The following LSM14A variants were observed in gnomAD, a reference collection of about 807,000 sequenced individuals.
LSM14A encodes the protein LSM14A mRNA processing body assembly factor.
Under a neutral mutation model 52.4 loss-of-function variants are expected in LSM14A, and 14 were observed. That is an observed-to-expected ratio of 0.27 (90% CI 0.18 to 0.42). The LOEUF (loss-of-function observed/expected upper bound fraction) is 0.42, where lower values mean the gene tolerates loss of function less well. Ranked by LOEUF, LSM14A falls within the 10% of genes least tolerant of loss-of-function variation. The probability of loss-of-function intolerance (pLI) is 1.00; values close to 1 mark genes in which losing one functional copy is unlikely to be tolerated. For synonymous variants in LSM14A, 185 were observed against 200.3 expected (o/e 0.92, Z 0.64); for missense variants, 417 against 581.8 (o/e 0.72, Z 2.91).
intron 3 of LSM14A, among the ~76,000 whole-genome samples, chr19:34,204,097 G>A (rs879433310): frequency 5.3e-5 from 8 of 152,094 alleles, no homozygotes; most frequent in Admixed American, 2.0e-4. Context: ...GGCGTTCTTC[G>A]TAAAGATAAG....
chr19:34,191,041 T>C (rs1345088539), intron 1 of LSM14A, among the ~76,000 whole-genome samples: 1 of 152,180 alleles, frequency 6.6e-6, no homozygotes, highest in African/African-American at 2.4e-5. Flanking sequence ...TCTTCATAAC[T>C]ATCATCTTCT....
intron 1 of LSM14A, among the ~76,000 whole-genome samples, chr19:34,175,527 C>T (rs568930016): frequency 6.6e-6 from 1 of 152,152 alleles, no homozygotes; most frequent in Non-Finnish European, 1.5e-5. Context: ...CCACCGCACC[C>T]GGCTGCTTTT....
intron 3 of LSM14A, among the ~76,000 whole-genome samples, chr19:34,206,588 T>A (rs1184569739): frequency 6.6e-6 from 1 of 151,666 alleles, no homozygotes; most frequent in Non-Finnish European, 1.5e-5. Flanking sequence ...GGCAGGAGAA[T>A]CGCTTGAGCC....
intron 1 of LSM14A, among the ~76,000 whole-genome samples, chr19:34,173,698 T>A (rs1444343915): frequency 6.6e-6 from 1 of 152,146 alleles, no homozygotes; most frequent in Admixed American, 6.5e-5. Context: ...TTAAAGGAAA[T>A]CTCACAACAG....
chr19:34,198,604 A>T (rs774848629), intron 3 of LSM14A, among the ~76,000 whole-genome samples: 1 of 152,248 alleles, frequency 6.6e-6, no homozygotes, highest in Non-Finnish European at 1.5e-5. Flanking sequence ...CCACAACAGC[A>T]AAACTCCGTC....
At chr19:34,220,028 A>C in intron 8 of LSM14A, 151 bp downstream of exon 8, 2 of 642,840 alleles carry the variant, frequency 3.1e-6, no homozygotes, top group Non-Finnish European at 5.3e-6. Context: ...GGAGAGCAGC[A>C]GTGCAGTCAC....
In LSM14A at chr19:34,221,209, A is replaced by G. The variant is rs1183862319; in HGVS notation, c.1137-298A>G. The G allele has an allele frequency of 1.2e-5, 4 of 333,356 alleles. No individual in the cohort carries two copies. The Admixed American group carries it at 1.3e-4, about 11-fold the overall frequency. The allele number at this position is 333,356 out of a possible 1,614,324, so 20.6% of individuals were successfully genotyped here. A position where few individuals can be genotyped will look rare whatever the true frequency, so the allele number is the denominator to read the frequency against. On this transcript the variant is annotated intron_variant, in intron 8 of 9. Coordinates refer to ENST00000544216, the MANE Select transcript of LSM14A (RefSeq NM_015578.4). ...GTGATTCTCCTGCCTCAACCCCCCA[A>G]GTAGCTGGGATTACAGGCACCTGCC...
Position 34,172,521 on chromosome 19 carries a change from C to T in LSM14A, c.-122C>T. 3.5e-6 allele frequency: 4 copies of T among 1,140,834 alleles called. No homozygotes were observed. Among genetic ancestry groups the T allele is most frequent in the Non-Finnish European group, 3.4e-6 (3 of 891,596 alleles). 70.7% of individuals were successfully genotyped at this position (1,140,834 alleles called of 1,614,324 possible). A position where few individuals can be genotyped will look rare whatever the true frequency, so the allele number is the denominator to read the frequency against. On this transcript the variant is annotated 5_prime_UTR_variant, in exon 1 of 10. Transcript: ENST00000544216. The stretch of plus-strand genomic sequence containing the variant: ...GGGAGGGTAGCGGAGCCGGCGCCGC[C>T]GCCATGTTGGGTCTGAAGCGGCTGC...
chr19:34,209,885 A>C (rs369800493), intron 4 of LSM14A, among the ~76,000 whole-genome samples: 279 of 150,950 alleles, frequency 1.8e-3, no homozygotes, highest in African/African-American at 6.5e-3. Context: ...TATGCTGCCC[A>C]AACTGAAATG....
intron 8 of LSM14A, among the ~76,000 whole-genome samples, chr19:34,220,366 C>A (rs889259001): frequency 5.3e-5 from 8 of 152,148 alleles, no homozygotes; most frequent in African/African-American, 1.9e-4. Flanking sequence ...AGGATATATT[C>A]ATATTTGAAT....
chr19:34,179,537 A>G (rs2069322717), intron 1 of LSM14A, among the ~76,000 whole-genome samples: 1 of 152,128 alleles, frequency 6.6e-6, no homozygotes, highest in African/African-American at 2.4e-5. Context: ...ACAGTTTATT[A>G]TTGTTACATA....
rs1189029868 is a variant in LSM14A, at chr19:34,227,824, G to GTA, written c.*437_*438insAT. ...TGTGTGTGTGTGTGTGTGTGTGTGT[G>GTA]TGTGTATGTGTGTGTCTTTTTCCTC... On this transcript the variant is annotated 3_prime_UTR_variant, in exon 10 of 10. Coordinates refer to ENST00000544216, the MANE Select transcript of LSM14A (RefSeq NM_015578.4). The GTA allele has an allele frequency of 6.4e-6, 1 of 156,172 alleles. No individual in the cohort carries two copies. The highest frequency in any genetic ancestry group is 1.4e-5 in the Non-Finnish European group (1 of 72,326). The allele number at this position is 156,172 out of a possible 1,614,324, so 9.7% of individuals were successfully genotyped here. A position where few individuals can be genotyped will look rare whatever the true frequency, so the allele number is the denominator to read the frequency against.
intron 3 of LSM14A, among the ~76,000 whole-genome samples, chr19:34,203,592 G>A (rs181941911): frequency 6.6e-6 from 1 of 152,194 alleles, no homozygotes; most frequent in African/African-American, 2.4e-5. Flanking sequence ...TTGAGGTCAG[G>A]AGTTCAGGAT....
intron 1 of LSM14A, 46 bp from the exon 2 acceptor site, chr19:34,194,432 A>G (rs1037550867): frequency 6.5e-7 from 1 of 1,531,112 alleles, no homozygotes; most frequent in Non-Finnish European, 9.0e-7. Flanking sequence ...TACTACCTGA[A>G]TGTGATGAGT....
chr19:34,190,903 C>T (rs1372000352), intron 1 of LSM14A, among the ~76,000 whole-genome samples: 2 of 151,512 alleles, frequency 1.3e-5, no homozygotes, highest in African/African-American at 4.8e-5. Flanking sequence ...TTGTTTTTTT[C>T]TGGAAATACA....
At chr19:34,182,055 G>A (rs1165039628) in intron 1 of LSM14A, among the ~76,000 whole-genome samples, 1 of 152,070 alleles carries the variant, frequency 6.6e-6, no homozygotes, top group African/African-American at 2.4e-5. Flanking sequence ...CAAACTAGAT[G>A]CAGAATTTGA....
rs1226196638 is a variant in LSM14A at position 34,226,424 on chromosome 19, G to A, written c.1369-941G>A. 7 of 1,478,070 alleles carry A rather than the reference G, an allele frequency of 4.7e-6. No homozygotes were observed. The Admixed American group carries it at 1.2e-4, about 25-fold the overall frequency. The allele number at this position is 1,478,070 out of a possible 1,614,324, so 91.6% of individuals were successfully genotyped here. A position where few individuals can be genotyped will look rare whatever the true frequency, so the allele number is the denominator to read the frequency against. ...ACCTTTCAGAAAACCACAGCTTTTG[G>A]ACCCTAAAAGGTCTGGATTGATCGT... On this transcript the variant is annotated intron_variant, in intron 9 of 9. Transcript: ENST00000544216.
chr19:34,181,547 GTCTGTTC>G (rs1347632009), intron 1 of LSM14A, among the ~76,000 whole-genome samples: 1 of 152,146 alleles, frequency 6.6e-6, no homozygotes, highest in African/African-American at 2.4e-5. Context: ...GGTACAGTTA[GTCTGTTC>G]TCTGTGAAGC....
intron 2 of LSM14A, chr19:34,195,212 T>C (rs77033693): frequency 8.0e-6 from 1 of 125,600 alleles, no homozygotes; most frequent in African/African-American, 3.1e-5. Context: ...TTTTTTTTTT[T>C]TGACAGAGTC....
Sources: allele counts gnomAD v4.1 joint callset (sites outside exome capture counted in the v4.1 genomes callset), GRCh38; gene constraint gnomAD v4.1.1; transcripts MANE v1.5; gene names NCBI Gene and HGNC (gene_info 2026-07-23, HGNC 2026-07-21).